The following SLC22A8 variants were observed in gnomAD, a reference collection of about 807,000 sequenced individuals.
The protein encoded by SLC22A8 is solute carrier family 22 member 8, also known as organic anion transporter 3.
Under a neutral mutation model 48.4 loss-of-function variants are expected in SLC22A8, and 40 were observed. The observed-to-expected ratio is 0.83, with a 90% CI of 0.64 to 1.08. The LOEUF (loss-of-function observed/expected upper bound fraction) is 1.08. SLC22A8 is among the 50% of genes least tolerant of loss of function. The pLI, the probability that SLC22A8 is intolerant of heterozygous loss-of-function variation, is 0.00. For missense variants in SLC22A8, 606 were observed against 699.0 expected, an observed-to-expected ratio of 0.87 and a Z score of 1.50; for synonymous variants, 268 against 286.3, an observed-to-expected ratio of 0.94 and a Z score of 0.65.
At chr11:63,007,819 T>C (rs952394098) in intron 2 of SLC22A8, among the ~76,000 whole-genome samples, 1 of 152,218 alleles carries the variant, frequency 6.6e-6, no homozygotes, top group African/African-American at 2.4e-5. Flanking sequence ...AATGGCGTAA[T>C]AACCTTATAA....
chr11:62,999,881 G>A (rs1489916989), intron 3 of SLC22A8, 39 bp from the exon 4 acceptor site: 1 of 1,432,060 alleles, frequency 7.0e-7, no homozygotes, highest in Non-Finnish European at 9.2e-7. Flanking sequence ...GTTAGCCACA[G>A]TGTGCCTGCC....
intron 5 of SLC22A8, among the ~76,000 whole-genome samples, chr11:62,997,202 A>G (rs903318759): frequency 6.6e-6 from 1 of 152,054 alleles, no homozygotes; most frequent in South Asian, 2.1e-4. Context: ...CATTATCTTC[A>G]TTTTACCTAG....
rs186059921 is a variant in SLC22A8 at position 63,003,289 on chromosome 11, A to T, written c.334-2466T>A. Among the ~76,000 whole-genome samples, 394 of 152,336 alleles carry T rather than the reference A, an allele frequency of 2.6e-3. 3 individuals carry two copies. Among genetic ancestry groups the T allele is most frequent in the African/African-American group, 8.4e-3 (348 of 41,560 alleles). Reference sequence around the variant, plus strand: ...AGCAAAACATTCCAAAAGGTGAAGAACCAAACATTCCAGGGAGCTCTTTCT... The same window carrying T: ...AGCAAAACATTCCAAAAGGTGAAGATCCAAACATTCCAGGGAGCTCTTTCT... On this transcript the variant is annotated intron_variant, in intron 2 of 10. Coordinates refer to ENST00000336232, the MANE Select transcript of SLC22A8 (RefSeq NM_004254.4).
At chr11:63,001,530 C>T (rs1380115441) in intron 2 of SLC22A8, among the ~76,000 whole-genome samples, 3 of 152,194 alleles carry the variant, frequency 2.0e-5, no homozygotes, top group Non-Finnish European at 4.4e-5. Flanking sequence ...GCCTGGCTTG[C>T]CCTCTGGCAG....
intron 2 of SLC22A8, among the ~76,000 whole-genome samples, chr11:63,010,385 C>T (rs1413577451): frequency 1.3e-5 from 2 of 152,178 alleles, no homozygotes; most frequent in Non-Finnish European, 2.9e-5. Context: ...TCATTACCAC[C>T]CTCTTCACCT....
intron 4 of SLC22A8, 57 bp from the exon 5 acceptor site, chr11:62,999,146 C>A: frequency 1.4e-6 from 2 of 1,476,562 alleles, no homozygotes; most frequent in Non-Finnish European, 1.9e-6. Context: ...GGCACCTCCG[C>A]GTGAAGGGGC....
At chr11:63,015,107 G>T in intron 1 of SLC22A8, 124 bp from the exon 2 acceptor site, 1 of 577,446 alleles carries the variant, frequency 1.7e-6, no homozygotes, top group Non-Finnish European at 2.9e-6. Context: ...AGCAGAGCAT[G>T]TGTAAGTGTG....
At chr11:63,002,051 C>T (rs1254950415) in intron 2 of SLC22A8, among the ~76,000 whole-genome samples, 2 of 152,126 alleles carry the variant, frequency 1.3e-5, no homozygotes, top group South Asian at 4.2e-4. Flanking sequence ...ACTGGGACTA[C>T]AGGTGTGCAT....
intron 2 of SLC22A8, among the ~76,000 whole-genome samples, chr11:63,003,828 T>C (rs886946837): frequency 1.3e-4 from 20 of 152,096 alleles, no homozygotes; most frequent in Admixed American, 2.0e-4. Flanking sequence ...CTCTGGAGAG[T>C]TGCTGTCAGT....
At chr11:63,003,500 G>T (rs181232398) in intron 2 of SLC22A8, among the ~76,000 whole-genome samples, 8 of 152,246 alleles carry the variant, frequency 5.3e-5, no homozygotes, top group Admixed American at 5.2e-4. Context: ...GAAGCAAGGG[G>T]GTGTGAGGTG....
At position 63,003,155 on chromosome 11, in the gene SLC22A8, C is replaced by T. The variant is rs577755768; in HGVS notation, c.334-2332G>A. 2.6e-5 allele frequency among the ~76,000 whole-genome samples: 4 copies of T among 152,358 alleles called. No homozygotes were observed. In the South Asian group the frequency reaches 6.2e-4, roughly 24 times the overall value. Reference sequence around the variant, plus strand: ...TCTGGCCCCTGCCTACCTGTCTGGTCTAATCTGCTAATCCCCAACATGCAC... The same window carrying T: ...TCTGGCCCCTGCCTACCTGTCTGGTTTAATCTGCTAATCCCCAACATGCAC... On this transcript the variant is annotated intron_variant, in intron 2 of 10. Coordinates refer to ENST00000336232, the MANE Select transcript of SLC22A8 (RefSeq NM_004254.4).
Position 63,006,595 on chromosome 11 carries a change from G to GTTTTTTTTTTTTTTTTTTTTTTTTTT in SLC22A8, c.334-5798_334-5773dup, listed in dbSNP as rs58058368. 1.2e-4 allele frequency among the ~76,000 whole-genome samples: 6 copies of GTTTTTTTTTTTTTTTTTTTTTTTTTT among 51,402 alleles called. 1 individual carries two copies. The highest frequency in any genetic ancestry group is 1.8e-4 in the Non-Finnish European group (5 of 28,320). The allele number at this position is 51,402 out of a possible 152,430, so 33.7% of individuals were successfully genotyped here. A position where few individuals can be genotyped will look rare whatever the true frequency, so the allele number is the denominator to read the frequency against. ...TGAGGACTGAGAATGTCTCATTTGA[G>GTTTTTTTTTTTTTTTTTTTTTTTTTT]TTTTTTTTTTTTTTTTTTTTTTTTT... On this transcript the variant is annotated intron_variant, in intron 2 of 10. Coordinates refer to ENST00000336232, the MANE Select transcript of SLC22A8 (RefSeq NM_004254.4).
intron 2 of SLC22A8, among the ~76,000 whole-genome samples, chr11:63,007,700 G>A (rs532052688): frequency 1.3e-5 from 2 of 152,286 alleles, no homozygotes; most frequent in South Asian, 2.1e-4. Flanking sequence ...GGTTCTGGAA[G>A]GAAAGGGTAG....
At chr11:63,012,769 C>T (rs956955820) in intron 2 of SLC22A8, among the ~76,000 whole-genome samples, 3 of 152,196 alleles carry the variant, frequency 2.0e-5, no homozygotes, top group Non-Finnish European at 4.4e-5. Context: ...TCCTTGAGAG[C>T]GGGTCTGCGT....
At chr11:63,009,621 G>A (rs979001957) in intron 2 of SLC22A8, among the ~76,000 whole-genome samples, 2 of 152,190 alleles carry the variant, frequency 1.3e-5, no homozygotes, top group Non-Finnish European at 2.9e-5. Flanking sequence ...TCCTCTTAAT[G>A]TCCTAGTAAA....
At chr11:63,006,774 A>ATTTT (rs200742595) in intron 2 of SLC22A8, among the ~76,000 whole-genome samples, 2 of 141,750 alleles carry the variant, frequency 1.4e-5, no homozygotes, top group Non-Finnish European at 1.5e-5. Context: ...TGCCTGGCTA[A>ATTTT]TTTTTTTTTT....
At chr11:62,995,886 A>T in intron 6 of SLC22A8, 67 bp from the exon 7 acceptor site, 2 of 1,497,318 alleles carry the variant, frequency 1.3e-6, no homozygotes, top group Non-Finnish European at 1.9e-6. Flanking sequence ...AGAGAGGGAG[A>T]TGCAGGCGTG....
chr11:62,996,249 G>A, intron 5 of SLC22A8, 97 bp from the exon 6 acceptor site: 1 of 1,274,268 alleles, frequency 7.8e-7, no homozygotes, highest in Middle Eastern at 2.0e-4. Context: ...GGGGTAGGAG[G>A]ACCAGAAACC....
rs148208808 is a variant in SLC22A8 at position 62,998,112 on chromosome 11, C to T, written c.761+809G>A. On this transcript the variant is annotated intron_variant, in intron 5 of 10. Transcript: ENST00000336232. ...GATTACAGGCATGCGCCACCATGCACGGCTAATTTTTGTATTTTTAGTAGA... is the reference window on the plus strand; with the variant it reads ...GATTACAGGCATGCGCCACCATGCATGGCTAATTTTTGTATTTTTAGTAGA... Among the ~76,000 whole-genome samples the T allele has an allele frequency of 1.3e-3, 202 of 152,186 alleles. 1 individual carries two copies. The highest frequency in any genetic ancestry group is 4.1e-3 in the African/African-American group (169 of 41,512).
Sources: gnomAD v4.1 joint callset for allele counts (sites outside exome capture counted in the v4.1 genomes callset) on GRCh38, gnomAD v4.1.1 for gene constraint, MANE v1.5 for transcripts, NCBI Gene and HGNC (gene_info 2026-07-23, HGNC 2026-07-21) for gene names.